The following PPP1R9A variants were observed in gnomAD, a reference collection of about 807,000 sequenced individuals.
The protein encoded by PPP1R9A is protein phosphatase 1 regulatory subunit 9A, also known as neurabin-1.
In PPP1R9A, 59 loss-of-function variants were observed where a neutral mutation model predicts 141.9. The observed-to-expected ratio is 0.42, with a 90% CI of 0.34 to 0.52. The LOEUF (loss-of-function observed/expected upper bound fraction) is 0.52, where lower values mean the gene tolerates loss of function less well. Ranked by LOEUF, PPP1R9A falls within the 20% of genes least tolerant of loss-of-function variation. The pLI, the probability that PPP1R9A is intolerant of heterozygous loss-of-function variation, is 0.10. For synonymous variants in PPP1R9A, 500 were observed against 569.7 expected, an observed-to-expected ratio of 0.88 and a Z score of 1.74; for missense variants, 1,444 against 1,611.9, an observed-to-expected ratio of 0.90 and a Z score of 1.78.
chr7:95,089,032 G>A (rs1188237432), intron 2 of PPP1R9A, among the ~76,000 whole-genome samples: 1 of 152,000 alleles, frequency 6.6e-6, no homozygotes, highest in Non-Finnish European at 1.5e-5. Context: ...GATAACACAA[G>A]TGGAAGAGCA....
Position 95,293,471 on chromosome 7 carries a change from G to A in PPP1R9A, c.*3168G>A, listed in dbSNP as rs1029540557. ...TGATTTCACACCCTCAACATCACAA[G>A]CTTTTTTTAACCCACAGCAGTTCAT... is the stretch of plus-strand genomic sequence containing the variant. On this transcript the variant is annotated 3_prime_UTR_variant, in exon 20 of 20. Coordinates refer to ENST00000433360, the MANE Select transcript of PPP1R9A (RefSeq NM_001166160.2). 2.6e-5 allele frequency: 4 copies of A among 152,120 alleles called. No individual in the cohort carries two copies. Among genetic ancestry groups the A allele is most frequent in the African/African-American group, 9.7e-5 (4 of 41,416 alleles). The allele number at this position is 152,120 out of a possible 1,614,324, so 9.4% of individuals were successfully genotyped here. A position where few individuals can be genotyped will look rare whatever the true frequency, so the allele number is the denominator to read the frequency against.
At chr7:95,137,955 C>T (rs1331075032) in intron 4 of PPP1R9A, among the ~76,000 whole-genome samples, 7 of 133,648 alleles carry the variant, frequency 5.2e-5, no homozygotes, top group Non-Finnish European at 7.7e-5. Flanking sequence ...TTTTTTGAGA[C>T]GGAGTCTTGC....
intron 2 of PPP1R9A, among the ~76,000 whole-genome samples, chr7:94,916,272 A>G (rs1792067121): frequency 1.3e-5 from 2 of 152,250 alleles, no homozygotes. Flanking sequence ...ATATTCTGAA[A>G]TAATACAGGA....
intron 2 of PPP1R9A, among the ~76,000 whole-genome samples, chr7:95,109,685 T>G (rs978064067): frequency 6.6e-6 from 1 of 151,306 alleles, no homozygotes; most frequent in Non-Finnish European, 1.5e-5. Context: ...TAAAAAAAAA[T>G]TTTTTTTAAT....
At position 95,120,779 on chromosome 7, in the gene PPP1R9A, G is replaced by T. The variant is rs1563265576; in HGVS notation, c.1596G>T (p.Leu532=). ...GVGADAGLEK[L]GIFVKTVTEG... is the part of the protein sequence containing the mutation. ...GAGCAGATGCTGGACTTGAAAAGCT[G>T]GGAATATTCGTCAAGACAGTAACAG... The change falls in exon 4 of 20, where the codon CTG becomes CTT. Residue 532 remains leucine, a synonymous_variant. Coordinates refer to ENST00000433360, the MANE Select transcript of PPP1R9A (RefSeq NM_001166160.2). 2 of 1,613,978 alleles carry T rather than the reference G, an allele frequency of 1.2e-6. No individual in the cohort carries two copies. The highest frequency in any genetic ancestry group is 1.7e-6 in the Non-Finnish European group (2 of 1,179,946).
chr7:95,186,942 G>A (rs1286812509), intron 5 of PPP1R9A, among the ~76,000 whole-genome samples: 1 of 152,042 alleles, frequency 6.6e-6, no homozygotes, highest in Non-Finnish European at 1.5e-5. Flanking sequence ...TTGCATCTAT[G>A]TTCATCAGGA....
At chr7:95,081,455 C>G (rs970236678) in intron 2 of PPP1R9A, among the ~76,000 whole-genome samples, 1 of 152,102 alleles carries the variant, frequency 6.6e-6, no homozygotes, top group Non-Finnish European at 1.5e-5. Context: ...AATCAAACTT[C>G]TAGAGATAAG....
chr7:94,944,872 C>T (rs2150978328), intron 2 of PPP1R9A, among the ~76,000 whole-genome samples: 1 of 151,982 alleles, frequency 6.6e-6, no homozygotes, highest in South Asian at 2.1e-4. Context: ...AAATGAAATT[C>T]TTAAACAAAT....
At chr7:94,992,952 C>A (rs1339873108) in intron 2 of PPP1R9A, among the ~76,000 whole-genome samples, 1 of 151,948 alleles carries the variant, frequency 6.6e-6, no homozygotes, top group Non-Finnish European at 1.5e-5. Context: ...TCTAAGAAAT[C>A]TTTGGTTAAT....
intron 16 of PPP1R9A, among the ~76,000 whole-genome samples, chr7:95,278,516 G>T (rs1471540193): frequency 5.9e-5 from 9 of 151,862 alleles, no homozygotes; most frequent in Admixed American, 5.9e-4. Context: ...GTGTTGATCT[G>T]TAGGATTCCA....
chr7:95,011,477 G>T (rs753903706), intron 2 of PPP1R9A, among the ~76,000 whole-genome samples: 13 of 152,168 alleles, frequency 8.5e-5, no homozygotes, highest in Non-Finnish European at 1.9e-4. Context: ...CACTATATAT[G>T]TGGTCTTATC....
chr7:95,127,659 G>A (rs1227277260), intron 4 of PPP1R9A, among the ~76,000 whole-genome samples: 1 of 151,904 alleles, frequency 6.6e-6, no homozygotes, highest in Non-Finnish European at 1.5e-5. Flanking sequence ...TTCAACCCTT[G>A]TCTCCCTCTC....
intron 2 of PPP1R9A, among the ~76,000 whole-genome samples, chr7:95,100,746 C>T (rs1252140645): frequency 2.0e-5 from 3 of 151,872 alleles, no homozygotes; most frequent in East Asian, 3.9e-4. Context: ...CTTCCTGAGG[C>T]CCCTAGGCTT....
intron 14 of PPP1R9A, among the ~76,000 whole-genome samples, chr7:95,273,003 C>T (rs1051848510): frequency 6.6e-5 from 10 of 152,162 alleles, no homozygotes; most frequent in Non-Finnish European, 1.3e-4. Flanking sequence ...CCGATCAGTA[C>T]CCTCTGCTGA....
intron 5 of PPP1R9A, among the ~76,000 whole-genome samples, chr7:95,178,962 G>T (rs1833304764): frequency 1.3e-5 from 2 of 151,982 alleles, no homozygotes; most frequent in African/African-American, 4.8e-5. Context: ...AGAAGAATTG[G>T]TACCAATCCT....
At chr7:95,197,078 A>G (rs1036402391) in intron 5 of PPP1R9A, among the ~76,000 whole-genome samples, 4 of 152,164 alleles carry the variant, frequency 2.6e-5, no homozygotes, top group African/African-American at 9.6e-5. Flanking sequence ...CTAACATCCA[A>G]GTGTGAAAAT....
intron 2 of PPP1R9A, among the ~76,000 whole-genome samples, chr7:95,017,090 G>A (rs1805216359): frequency 6.6e-6 from 1 of 152,138 alleles, no homozygotes; most frequent in Non-Finnish European, 1.5e-5. Context: ...AGGACAACCA[G>A]AAGCTAGAAG....
chr7:94,935,384 G>C (rs996017901), intron 2 of PPP1R9A, among the ~76,000 whole-genome samples: 1 of 152,166 alleles, frequency 6.6e-6, no homozygotes, highest in African/African-American at 2.4e-5. Flanking sequence ...GTAGATATTA[G>C]GGAGCATTGT....
chr7:95,181,402 ATTCCATC>A (rs1384770503), intron 5 of PPP1R9A, among the ~76,000 whole-genome samples: 14 of 137,732 alleles, frequency 1.0e-4, no homozygotes, highest in African/African-American at 3.8e-4. Flanking sequence ...GAATATATAT[ATTCCATC>A]ATATATATAG....
Sources: gnomAD v4.1 joint callset for allele counts (sites outside exome capture counted in the v4.1 genomes callset) on GRCh38, gnomAD v4.1.1 for gene constraint, MANE v1.5 for transcripts, NCBI Gene and HGNC (gene_info 2026-07-23, HGNC 2026-07-21) for gene names.